The following PTPRN2 variants were observed in gnomAD, a reference collection of about 807,000 sequenced individuals.
PTPRN2 encodes the protein receptor-type tyrosine-protein phosphatase N2.
A neutral mutation model predicts 118.8 loss-of-function variants in PTPRN2; 74 were observed. That is an observed-to-expected ratio of 0.62 (90% confidence interval 0.52 to 0.76). The LOEUF is 0.76. PTPRN2 is among the 30% of genes least tolerant of loss of function. The pLI is 0.00. For missense variants in PTPRN2, 1,481 were observed against 1,394.4 expected (o/e 1.06, Z -0.99); for synonymous variants, 641 against 608.0 (o/e 1.05, Z -0.80).
chr7:157,709,225 G>A lies in PTPRN2; in HGVS notation c.1789-26288C>T, dbSNP rs554168980. The stretch of plus-strand genomic sequence containing the variant: ...CCTGCTGACTCCCATCAGGGGAGAT[G>A]GAGGCCATACGTGCCACAGATCAAT... On this transcript the variant is annotated intron_variant, in intron 12 of 22. Coordinates refer to ENST00000389418, the MANE Select transcript of PTPRN2 (RefSeq NM_002847.5). Among the ~76,000 whole-genome samples, 349 of 152,354 alleles carry A rather than the reference G, an allele frequency of 2.3e-3. 10 individuals are homozygous for A. The highest frequency in any genetic ancestry group is 2.2e-3 in the Non-Finnish European group (148 of 68,030).
intron 12 of PTPRN2, among the ~76,000 whole-genome samples, chr7:157,725,505 ACGCAGAGGACGGCGGCCAGACCC>A: frequency 1.3e-5 from 1 of 79,550 alleles, no homozygotes; most frequent in African/African-American, 6.5e-5. Flanking sequence ...GGATATCCAC[ACGCAGAGGACGGCGGCCAGACCC>A]TCACCTCCCA....
At chr7:158,549,593 C>T (rs769370703) in intron 1 of PTPRN2, among the ~76,000 whole-genome samples, 41 of 152,376 alleles carry the variant, frequency 2.7e-4, no homozygotes, top group Non-Finnish European at 5.1e-4. Context: ...CGCCTGAGCG[C>T]TCGCTAGGGT....
At chr7:158,423,435 C>T (rs957361252) in intron 2 of PTPRN2, among the ~76,000 whole-genome samples, 2 of 152,224 alleles carry the variant, frequency 1.3e-5, no homozygotes, top group South Asian at 4.1e-4. Flanking sequence ...CCCTAGCTTC[C>T]TCTCCAGTGC....
chr7:157,982,257 CG>C (rs1563296151), intron 11 of PTPRN2, among the ~76,000 whole-genome samples: 6 of 71,852 alleles, frequency 8.4e-5, no homozygotes, highest in Non-Finnish European at 8.0e-5. Flanking sequence ...CCCCAAACCC[CG>C]AGTCATAGAG....
intron 2 of PTPRN2, among the ~76,000 whole-genome samples, chr7:158,408,428 A>G (rs1813767177): frequency 6.6e-6 from 1 of 152,250 alleles, no homozygotes; most frequent in African/African-American, 2.4e-5. Context: ...TAAGAGAAGA[A>G]GAGGAAGAAG....
At chr7:158,207,426 A>G (rs990983101) in intron 3 of PTPRN2, among the ~76,000 whole-genome samples, 7 of 152,198 alleles carry the variant, frequency 4.6e-5, no homozygotes, top group African/African-American at 1.7e-4. Context: ...AAGCAATGGC[A>G]ACAAAAGACA....
intron 2 of PTPRN2, among the ~76,000 whole-genome samples, chr7:158,419,339 C>T (rs1391961363): frequency 6.3e-5 from 4 of 63,302 alleles, no homozygotes; most frequent in East Asian, 2.6e-4. Context: ...GTTTTGCAAA[C>T]ATTATATAAG....
intron 3 of PTPRN2, among the ~76,000 whole-genome samples, chr7:158,245,730 T>C (rs1463439048): frequency 6.6e-6 from 1 of 152,126 alleles, no homozygotes; most frequent in Non-Finnish European, 1.5e-5. Context: ...AGGCACAGCG[T>C]CTCATGACGT....
chr7:158,151,825 G>T (rs1216928086), intron 6 of PTPRN2, among the ~76,000 whole-genome samples: 1 of 152,180 alleles, frequency 6.6e-6, no homozygotes, highest in Non-Finnish European at 1.5e-5. Flanking sequence ...CATGAGCAAA[G>T]TCCTTGCTTT....
Position 157,574,205 on chromosome 7 carries a change from C to T in PTPRN2, c.2783+2408G>A, listed in dbSNP as rs185697353. ...ACAACAGGAATTCACTGAGAAAGAA[C>T]GATTAGTGATACAAACCAACCCAGG... On this transcript the variant is annotated intron_variant, in intron 19 of 22. Transcript: ENST00000389418. The T allele has an allele frequency of 3.3e-5, 10 of 298,832 alleles. 1 individual carries two copies. Among genetic ancestry groups the T allele is most frequent in the South Asian group, 1.6e-4 (4 of 25,072 alleles). 18.5% of individuals were successfully genotyped at this position (298,832 alleles called of 1,614,324 possible).
intron 3 of PTPRN2, among the ~76,000 whole-genome samples, chr7:158,314,518 G>A (rs559766387): frequency 4.3e-4 from 66 of 152,374 alleles, no homozygotes; most frequent in East Asian, 4.2e-3. Context: ...ACTGGCCTGC[G>A]CACAGCACCC....
At chr7:157,789,494 C>A (rs1229525111) in intron 12 of PTPRN2, among the ~76,000 whole-genome samples, 1 of 152,226 alleles carries the variant, frequency 6.6e-6, no homozygotes, top group Non-Finnish European at 1.5e-5. Context: ...AGGGTCAGGT[C>A]TCTGCCGGAG....
At chr7:157,880,543 C>G (rs967419082) in intron 12 of PTPRN2, among the ~76,000 whole-genome samples, 2 of 152,188 alleles carry the variant, frequency 1.3e-5, no homozygotes, top group Non-Finnish European at 2.9e-5. Context: ...GCAAAATCAC[C>G]CAAGGGACCC....
At position 157,813,220 on chromosome 7, in the gene PTPRN2, G is replaced by A. The variant is rs367646006; in HGVS notation, c.1788+85453C>T. Among the ~76,000 whole-genome samples the A allele has an allele frequency of 6.7e-4, 102 of 152,298 alleles. No homozygotes were observed. The South Asian group carries it at 0.013, about 19-fold the overall frequency. On this transcript the variant is annotated intron_variant, in intron 12 of 22. Coordinates refer to ENST00000389418, the MANE Select transcript of PTPRN2 (RefSeq NM_002847.5). The surrounding 1 kb of genome is among the most constrained non-coding windows in gnomAD (Gnocchi z 4.7). ...GGCAGTGACAGGGCCAGGGCAAGCC[G>A]GTTGGAGAAGTGGAACTTCAGTGGT...
chr7:158,211,909 C>T (rs1563610122), intron 3 of PTPRN2, among the ~76,000 whole-genome samples: 3 of 152,164 alleles, frequency 2.0e-5, no homozygotes, highest in African/African-American at 7.2e-5. Context: ...TTGATATCCA[C>T]ACTCCCATGT....
chr7:157,697,365 C>T (rs1300717374), intron 12 of PTPRN2, among the ~76,000 whole-genome samples: 3 of 136,310 alleles, frequency 2.2e-5, no homozygotes, highest in Non-Finnish European at 3.2e-5. Context: ...CACCATCTAC[C>T]CATGCATACT....
Position 157,787,127 on chromosome 7 carries a change from C to T in PTPRN2, c.1789-104190G>A, listed in dbSNP as rs867241240. 0.038 allele frequency among the ~76,000 whole-genome samples: 3,327 copies of T among 88,618 alleles called. 118 individuals carry two copies. The highest frequency in any genetic ancestry group is 0.052 in the Non-Finnish European group (2,196 of 42,412). 58.1% of individuals were successfully genotyped at this position (88,618 alleles called of 152,430 possible). The stretch of plus-strand genomic sequence containing the variant: ...AGGCGGACGCGGGTGCGGCGGGGGA[C>T]GCGGGGGTGGCTGCCCGGGAGGCGG... On this transcript the variant is annotated intron_variant, in intron 12 of 22. Transcript: ENST00000389418. The surrounding 1 kb of genome is among the most constrained non-coding windows in gnomAD (Gnocchi z 5.3).
At chr7:158,444,940 C>T (rs756370503) in intron 2 of PTPRN2, among the ~76,000 whole-genome samples, 38 of 152,008 alleles carry the variant, frequency 2.5e-4, no homozygotes, top group Non-Finnish European at 5.9e-5. Flanking sequence ...AAAACGCGGC[C>T]GCACCCGGCG....
chr7:158,489,755 G>C lies in PTPRN2; in HGVS notation c.143C>G (p.Ala48Gly), dbSNP rs1423774299. The C allele has an allele frequency of 6.3e-7, 1 of 1,583,066 alleles. No individual in the cohort carries two copies. The highest frequency in any genetic ancestry group is 1.3e-5 in the African/African-American group (1 of 74,298). The change falls in exon 2 of 23, where the codon GCG (alanine) becomes GGG (glycine). Residue 48 changes from alanine (A) to glycine (G), a missense_variant. Ala to Gly is a moderately conservative substitution (Grantham distance 60). Around this residue, in one of 3 missense-constraint regions of PTPRN2, gnomAD observed 1,115 missense variants for 994.2 expected, o/e 1.12. Transcript: ENST00000389418. ...GCLLEEGLCG[A>G]SEACVNDGVF... ...CTCACCGTTCACACAGGCCTCGGAC[G>C]CTCCGCAGAGGCCCTCCTCGAGCAG...
Sources: gnomAD v4.1 joint callset for allele counts (sites outside exome capture counted in the v4.1 genomes callset) on GRCh38, gnomAD v4.1.1 for gene constraint, gnomAD v4.1.1 regional missense constraint, Gnocchi (gnomAD v3.1) non-coding constraint, MANE v1.5 for transcripts, NCBI Gene and HGNC (gene_info 2026-07-23, HGNC 2026-07-21) for gene names.